Variants in PRELID2 observed in about 807,000 individuals in gnomAD.
The protein encoded by PRELID2 is PRELI domain containing 2, also known as PRELI domain-containing protein 2.
PRELID2 carries 25 observed loss-of-function variants against 28.4 expected under a neutral mutation model. The observed-to-expected ratio is 0.88, with a 90% confidence interval of 0.64 to 1.23. The LOEUF (loss-of-function observed/expected upper bound fraction) is 1.23, where lower values mean the gene tolerates loss of function less well. Among genes scored for constraint, PRELID2 ranks in the 50% most tolerant of loss-of-function variants. PRELID2 has a pLI of 0.00. For synonymous variants in PRELID2, 76 were observed against 71.6 expected, an observed-to-expected ratio of 1.06 and a Z score of -0.31; for missense variants, 201 against 214.4, an observed-to-expected ratio of 0.94 and a Z score of 0.39.
intron 1 of PRELID2, among the ~76,000 whole-genome samples, chr5:145,504,696 T>C (rs1265837945): frequency 6.6e-6 from 1 of 152,210 alleles, no homozygotes; most frequent in Non-Finnish European, 1.5e-5. Flanking sequence ...TGTTGTCTTC[T>C]AATCACCTTT....
At chr5:145,591,460 G>C (rs975509325) in intron 1 of PRELID2, among the ~76,000 whole-genome samples, 4 of 152,082 alleles carry the variant, frequency 2.6e-5, no homozygotes, top group Non-Finnish European at 4.4e-5. Context: ...TAGTACAAAA[G>C]GAAGTGATAA....
At chr5:145,728,357 T>C (rs1378233921) in intron 1 of PRELID2, 2 of 401,008 alleles carry the variant, frequency 5.0e-6, no homozygotes, top group African/African-American at 4.1e-5. Flanking sequence ...TACTTATCTC[T>C]ACATCTTCCT....
At chr5:145,612,826 A>ATACATACC (rs1285468784) in intron 1 of PRELID2, among the ~76,000 whole-genome samples, 1 of 152,222 alleles carries the variant, frequency 6.6e-6, no homozygotes, top group African/African-American at 2.4e-5. Context: ...TCAATCATAA[A>ATACATACC]TACATACCAC....
chr5:145,459,937 G>A, the PRELID2 span, among the ~76,000 whole-genome samples: 1 of 151,662 alleles, frequency 6.6e-6, no homozygotes, highest in African/African-American at 2.4e-5. Flanking sequence ...AGCCTCCCAA[G>A]TAGCTAGGAC....
chr5:145,399,836 A>G, the PRELID2 span, among the ~76,000 whole-genome samples: 3 of 152,158 alleles, frequency 2.0e-5, no homozygotes, highest in East Asian at 5.8e-4. Context: ...GTGGCAGGCA[A>G]AGAGAGAGAG....
chr5:145,567,343 A>ATTGTTTGTTTTGGTT (rs1554076596), intron 1 of PRELID2, among the ~76,000 whole-genome samples: 2 of 146,206 alleles, frequency 1.4e-5, no homozygotes, highest in African/African-American at 5.1e-5. Flanking sequence ...ATGAGATCTG[A>ATTGTTTGTTTTGGTT]TGGTTTGGTT....
At chr5:145,456,497 C>T in the PRELID2 span, among the ~76,000 whole-genome samples, 1 of 152,116 alleles carries the variant, frequency 6.6e-6, no homozygotes, top group Non-Finnish European at 1.5e-5. Context: ...AGAGGCTTCC[C>T]CTGACTGCCC....
chr5:145,829,958 C>G (rs950384283), intron 1 of PRELID2, among the ~76,000 whole-genome samples: 4 of 152,176 alleles, frequency 2.6e-5, no homozygotes, highest in African/African-American at 9.7e-5. Flanking sequence ...ACCAGGCTCC[C>G]AGCCAAAATA....
the PRELID2 span, among the ~76,000 whole-genome samples, chr5:145,438,026 C>T: frequency 6.6e-6 from 1 of 152,036 alleles, no homozygotes; most frequent in East Asian, 1.9e-4. Flanking sequence ...TCATGTCCTC[C>T]CTTGCAGAAG....
intron 1 of PRELID2, among the ~76,000 whole-genome samples, chr5:145,580,348 G>T (rs913160568): frequency 6.6e-6 from 1 of 152,070 alleles, no homozygotes; most frequent in African/African-American, 2.4e-5. Flanking sequence ...TTTAATAGCA[G>T]GAGAGAAACT....
At chr5:145,625,539 T>G (rs1753833808) in intron 1 of PRELID2, among the ~76,000 whole-genome samples, 1 of 152,148 alleles carries the variant, frequency 6.6e-6, no homozygotes, top group South Asian at 2.1e-4. Context: ...CAAACAGTCA[T>G]TTTTTTAAAT....
chr5:145,605,955 T>C (rs1442302397), intron 1 of PRELID2, among the ~76,000 whole-genome samples: 1 of 152,086 alleles, frequency 6.6e-6, no homozygotes, highest in African/African-American at 2.4e-5. Flanking sequence ...AGCAGATTTT[T>C]TTAATTCTCA....
chr5:145,424,583 C>A, the PRELID2 span, among the ~76,000 whole-genome samples: 2 of 152,190 alleles, frequency 1.3e-5, no homozygotes, highest in Non-Finnish European at 2.9e-5. Context: ...CAATGCCTCA[C>A]CCTGCTTCGG....
chr5:145,603,371 G>T (rs1245376680), intron 1 of PRELID2, among the ~76,000 whole-genome samples: 4 of 120,642 alleles, frequency 3.3e-5, no homozygotes, highest in Non-Finnish European at 6.1e-5. Context: ...TAAACCAGGG[G>T]CTAACGGCTA....
chr5:145,236,369 C>A, the PRELID2 span, among the ~76,000 whole-genome samples: 1 of 152,112 alleles, frequency 6.6e-6, no homozygotes, highest in Admixed American at 6.6e-5. Context: ...ATTGCAACAC[C>A]CTCTTCCAAA....
At chr5:145,794,328 T>C (rs1752593361) in intron 5 of PRELID2, among the ~76,000 whole-genome samples, 1 of 152,164 alleles carries the variant, frequency 6.6e-6, no homozygotes. Context: ...TAGCCTGAAG[T>C]GGTTTCTGTT....
intron 1 of PRELID2, among the ~76,000 whole-genome samples, chr5:145,662,361 C>T (rs1004892303): frequency 6.6e-6 from 1 of 152,186 alleles, no homozygotes; most frequent in African/African-American, 2.4e-5. Flanking sequence ...AAATGCATTG[C>T]TTTACTGATC....
At chr5:145,637,510 CAA>C (rs1169721859) in intron 1 of PRELID2, among the ~76,000 whole-genome samples, 2 of 129,856 alleles carry the variant, frequency 1.5e-5, no homozygotes, top group Non-Finnish European at 1.7e-5. Context: ...ACTTCTCTGC[CAA>C]AAAAAAAAAA....
At chr5:145,349,973 A>C in the PRELID2 span, among the ~76,000 whole-genome samples, 2 of 152,204 alleles carry the variant, frequency 1.3e-5, no homozygotes, top group Non-Finnish European at 2.9e-5. Context: ...AGAGGAATAA[A>C]AATGAGGAAT....
Sources: allele counts gnomAD v4.1 joint callset (sites outside exome capture counted in the v4.1 genomes callset), GRCh38; gene constraint gnomAD v4.1.1; transcripts MANE v1.5; gene names NCBI Gene and HGNC (gene_info 2026-07-23, HGNC 2026-07-21).